Variants in ITGB5 observed in about 807,000 individuals in gnomAD.
ITGB5 encodes the protein integrin subunit beta 5.
Under a neutral mutation model 84.8 loss-of-function variants are expected in ITGB5, and 38 were observed. The observed-to-expected ratio is 0.45, with a 90% confidence interval of 0.35 to 0.59. ITGB5 has a LOEUF of 0.59. ITGB5 is among the 20% of genes least tolerant of loss of function. ITGB5 has a pLI of 0.01. For missense variants in ITGB5, 905 were observed against 1,034.5 expected, an observed-to-expected ratio of 0.87 and a Z score of 1.72; for synonymous variants, 393 against 414.4, an observed-to-expected ratio of 0.95 and a Z score of 0.63.
chr3:124,880,621 A>AAAAT lies in ITGB5; in HGVS notation c.70+6306_70+6309dup, dbSNP rs374857715. Among the ~76,000 whole-genome samples the AAAAT allele has an allele frequency of 1.8e-3, 271 of 152,210 alleles. 1 individual carries two copies. Among genetic ancestry groups the AAAAT allele is most frequent in the African/African-American group, 6.3e-3 (260 of 41,512 alleles). The stretch of plus-strand genomic sequence containing the variant: ...AGAGCGAGATTCTGTCTTTTTTTAA[A>AAAAT]AAATAAATAAATAAATAAAAGAGAC... On this transcript the variant is annotated intron_variant, in intron 1 of 14. Coordinates refer to ENST00000296181, the MANE Select transcript of ITGB5 (RefSeq NM_002213.5).
At chr3:124,842,359 G>A (rs1388187714) in intron 4 of ITGB5, among the ~76,000 whole-genome samples, 5 of 152,252 alleles carry the variant, frequency 3.3e-5, no homozygotes, top group African/African-American at 1.2e-4. Flanking sequence ...CCTGAAGGGA[G>A]TTACTTTCCA....
At chr3:124,786,687 G>T (rs761941335) in intron 10 of ITGB5, among the ~76,000 whole-genome samples, 21 of 152,148 alleles carry the variant, frequency 1.4e-4, no homozygotes, top group Non-Finnish European at 2.8e-4. Context: ...AGACTCAAGG[G>T]AGCTTTTGGA....
intron 9 of ITGB5, among the ~76,000 whole-genome samples, chr3:124,803,707 GC>G (rs2064351737): frequency 6.6e-6 from 1 of 152,212 alleles, no homozygotes; most frequent in Admixed American, 6.5e-5. Flanking sequence ...GTGCAGGGGG[GC>G]TCAGTCAGCG....
chr3:124,834,509 G>GGGAAGGAA (rs1261180563), intron 5 of ITGB5, among the ~76,000 whole-genome samples: 1 of 107,820 alleles, frequency 9.3e-6, no homozygotes, highest in Admixed American at 1.0e-4. Context: ...AGGGAGAGGA[G>GGGAAGGAA]GGAAGGAAGG....
rs527474429 is a variant in ITGB5, at chr3:124,844,118, A to G, written c.612-2567T>C. Among the ~76,000 whole-genome samples the G allele has an allele frequency of 1.9e-4, 28 of 150,028 alleles. 1 individual carries two copies. Among genetic ancestry groups the G allele is most frequent in the African/African-American group, 6.8e-4 (28 of 41,066 alleles). On this transcript the variant is annotated intron_variant, in intron 4 of 14. Coordinates refer to ENST00000296181, the MANE Select transcript of ITGB5 (RefSeq NM_002213.5). Reference sequence around the variant, plus strand: ...TTTAAAATTTTTTAATATATAGCCTAGGCTGGAAGCTTAGAAAGTAAATCC... The same window carrying G: ...TTTAAAATTTTTTAATATATAGCCTGGGCTGGAAGCTTAGAAAGTAAATCC...
upstream of ITGB5, among the ~76,000 whole-genome samples, chr3:124,889,819 C>G (rs998879838): frequency 6.6e-6 from 1 of 152,110 alleles, no homozygotes; most frequent in African/African-American, 2.4e-5. Context: ...TCGAGATGAG[C>G]CTGGCTAAAC....
chr3:124,771,215 A>C (rs916709807), intron 11 of ITGB5, among the ~76,000 whole-genome samples: 1 of 152,128 alleles, frequency 6.6e-6, no homozygotes, highest in African/African-American at 2.4e-5. Flanking sequence ...TTGAGTGTGA[A>C]CTCACCCAAA....
Position 124,886,913 on chromosome 3 carries a change from G to T in ITGB5, c.70+18C>A, listed in dbSNP as rs1437620232. On this transcript the variant is annotated intron_variant, in intron 1 of 14. Coordinates refer to ENST00000296181, the MANE Select transcript of ITGB5 (RefSeq NM_002213.5). Reference sequence around the variant, plus strand: ...GTGCGACAAAGTTTCTCTGGGCGCCGTGGGCGGCGCGGCTTACCTGCGAGC... The same window carrying T: ...GTGCGACAAAGTTTCTCTGGGCGCCTTGGGCGGCGCGGCTTACCTGCGAGC... 3 of 1,209,642 alleles carry T rather than the reference G, an allele frequency of 2.5e-6. No individual in the cohort carries two copies. Among genetic ancestry groups the T allele is most frequent in the Non-Finnish European group, 3.1e-6 (3 of 972,972 alleles). 74.9% of individuals were successfully genotyped at this position (1,209,642 alleles called of 1,614,324 possible).
At chr3:124,889,937 A>G (rs1010115407), upstream of ITGB5, among the ~76,000 whole-genome samples, 123 of 152,146 alleles carry the variant, frequency 8.1e-4, no homozygotes, top group African/African-American at 2.7e-3. Flanking sequence ...GCTTGAATCC[A>G]GGAGGTAGAG....
At chr3:124,852,520 A>G (rs1206431023) in intron 3 of ITGB5, among the ~76,000 whole-genome samples, 1 of 152,004 alleles carries the variant, frequency 6.6e-6, no homozygotes, top group Non-Finnish European at 1.5e-5. Flanking sequence ...TTGTAAGTAC[A>G]GGTTCTTCCA....
Position 124,887,008 on chromosome 3 carries a change from C to A in ITGB5, c.-8G>T. ...CGCCGGGGCCCGCGGCATGGTGGGG[C>A]GCCTCCCTCAGCGGCGGCGCGGTCG... On this transcript the variant is annotated 5_prime_UTR_variant, in exon 1 of 15. Transcript: ENST00000296181. The A allele has an allele frequency of 8.5e-7, 1 of 1,173,910 alleles. No individual in the cohort carries two copies. Among genetic ancestry groups the A allele is most frequent in the Non-Finnish European group, 1.1e-6 (1 of 950,958 alleles). 72.7% of individuals were successfully genotyped at this position (1,173,910 alleles called of 1,614,324 possible).
At chr3:124,896,801 C>T (rs573454252) in intron 1 of ITGB5, among the ~76,000 whole-genome samples, 1 of 150,216 alleles carries the variant, frequency 6.7e-6, no homozygotes, top group African/African-American at 2.4e-5. Flanking sequence ...TGGCTCATGC[C>T]TGTTATCCCA....
intron 2 of ITGB5, chr3:124,863,102 T>G (rs1474982815): frequency 6.6e-6 from 1 of 152,268 alleles, no homozygotes; most frequent in Non-Finnish European, 1.5e-5. Context: ...TTCGCTTTCT[T>G]GCTATCTAGG....
rs1018720458 is a variant in ITGB5, at chr3:124,841,620, A to G, written c.612-69T>C. On this transcript the variant is annotated intron_variant, in intron 4 of 14. Coordinates refer to ENST00000296181, the MANE Select transcript of ITGB5 (RefSeq NM_002213.5). ...TAAATCTTAACCAAGTGTTCTGAGCATTCACTGAGTGCCTTGAGAGGCACC... is the reference window on the plus strand; with the variant it reads ...TAAATCTTAACCAAGTGTTCTGAGCGTTCACTGAGTGCCTTGAGAGGCACC... The G allele has an allele frequency of 1.4e-4, 209 of 1,518,946 alleles. 2 individuals carry two copies. The highest frequency in any genetic ancestry group is 3.5e-4 in the Middle Eastern group (2 of 5,720). 94.1% of individuals were successfully genotyped at this position (1,518,946 alleles called of 1,614,324 possible).
chr3:124,892,691 TAAA>T (rs35455753), intron 1 of ITGB5, among the ~76,000 whole-genome samples: 7 of 91,664 alleles, frequency 7.6e-5, no homozygotes, highest in Admixed American at 2.5e-4. Context: ...GGAGACTCTG[TAAA>T]AAAAAAAAAA....
At chr3:124,834,372 T>A (rs1392334607) in intron 5 of ITGB5, among the ~76,000 whole-genome samples, 1 of 146,974 alleles carries the variant, frequency 6.8e-6, no homozygotes, top group Non-Finnish European at 1.5e-5. Context: ...ATTTTTGCTA[T>A]GAACCTAAAA....
At chr3:124,829,052 T>C (rs547831190) in intron 5 of ITGB5, among the ~76,000 whole-genome samples, 178 of 152,348 alleles carry the variant, frequency 1.2e-3, no homozygotes, top group African/African-American at 4.0e-3. Context: ...TAGTAATTAA[T>C]AGTTATCATC....
chr3:124,861,564 A>AT (rs34687815), intron 2 of ITGB5, among the ~76,000 whole-genome samples: 239 of 129,458 alleles, frequency 1.8e-3, no homozygotes, highest in African/African-American at 3.9e-3. Context: ...CTGGCCTTAG[A>AT]TTTTTTTTTT....
At chr3:124,771,243 T>A (rs57666369) in intron 11 of ITGB5, among the ~76,000 whole-genome samples, 5,101 of 152,088 alleles carry the variant, frequency 0.034, 235 homozygotes, top group African/African-American at 0.099. Context: ...GTGTGGTTAG[T>A]TAGATCCAGA....
Sources: allele counts gnomAD v4.1 joint callset (sites outside exome capture counted in the v4.1 genomes callset), GRCh38; gene constraint gnomAD v4.1.1; transcripts MANE v1.5; gene names NCBI Gene and HGNC (gene_info 2026-07-23, HGNC 2026-07-21).